Variants in SLC8A2 observed in about 807,000 individuals in gnomAD.
SLC8A2 encodes sodium/calcium exchanger 2.
Under a neutral mutation model 70.2 loss-of-function variants are expected in SLC8A2, and 14 were observed. The ratio of observed to expected loss-of-function variants is 0.20; its 90% CI spans 0.13 to 0.31. The LOEUF is 0.31. Ranked by LOEUF, SLC8A2 falls within the 10% of genes least tolerant of loss-of-function variation. The pLI is 1.00. For synonymous variants in SLC8A2, 575 were observed against 594.3 expected, an observed-to-expected ratio of 0.97 and a Z score of 0.47; for missense variants, 779 against 1,320.1, an observed-to-expected ratio of 0.59 and a Z score of 6.35.
At chr19:47,462,064 G>A (rs954749262) in intron 2 of SLC8A2, among the ~76,000 whole-genome samples, 3 of 152,108 alleles carry the variant, frequency 2.0e-5, no homozygotes, top group Non-Finnish European at 2.9e-5. Context: ...ATACAGAAAT[G>A]TCCCACATGC....
chr19:47,446,937 A>T (rs1050776913), intron 4 of SLC8A2, among the ~76,000 whole-genome samples: 53 of 152,150 alleles, frequency 3.5e-4, no homozygotes, highest in African/African-American at 1.3e-3. Context: ...GTATCCAGCC[A>T]GCCCACCTCC....
chr19:47,442,468 C>T (rs1020202679), intron 4 of SLC8A2, among the ~76,000 whole-genome samples: 1 of 152,180 alleles, frequency 6.6e-6, no homozygotes, highest in East Asian at 1.9e-4. Context: ...CCTTGCTATT[C>T]CTTGAACAAG....
At chr19:47,441,249 G>A in intron 5 of SLC8A2, 63 bp from the exon 6 acceptor site, 2 of 1,600,958 alleles carry the variant, frequency 1.2e-6, no homozygotes, top group Non-Finnish European at 1.7e-6. Flanking sequence ...AGGTCCACGA[G>A]CTTTAAGGAG....
chr19:47,429,025 C>T lies in SLC8A2; in HGVS notation c.*1064G>A, dbSNP rs1183658387. ...CCCCCCACCCATCCCCACCCCCCAT[C>T]AGGCAGAGATGTGGCAGCATTTGCT... On this transcript the variant is annotated 3_prime_UTR_variant, in exon 10 of 10. Transcript: ENST00000236877. 3.5e-5 allele frequency: 5 copies of T among 143,944 alleles called. No homozygotes were observed. The highest frequency in any genetic ancestry group is 2.1e-4 in the Admixed American group (3 of 14,140). 8.9% of individuals were successfully genotyped at this position (143,944 alleles called of 1,614,324 possible). A position where few individuals can be genotyped will look rare whatever the true frequency, so the allele number is the denominator to read the frequency against.
rs1319645109 is a variant in SLC8A2, at chr19:47,431,673, A to C, written c.2389+494T>G. Among the ~76,000 whole-genome samples the C allele has an allele frequency of 7.8e-5, 11 of 141,726 alleles. No homozygotes were observed. The East Asian group carries it at 1.5e-3, about 19-fold the overall frequency. The allele number at this position is 141,726 out of a possible 152,430, so 93.0% of individuals were successfully genotyped here. On this transcript the variant is annotated intron_variant, in intron 9 of 9. Transcript: ENST00000236877. ...TCCCCACACCAAAAAAAAAAAAAAA[A>C]AAAAAAACAAAACCCAAAAAAACCA...
chr19:47,469,113 T>TGTGC lies in SLC8A2; in HGVS notation c.-17+2675_-17+2676insGCAC, dbSNP rs1555751476. The stretch of plus-strand genomic sequence containing the variant: ...GGAGAGAGCAAGCGAGGAGCATGCC[T>TGTGC]GTGTGCGTGTGTGTGTGTGTGTGTG... On this transcript the variant is annotated intron_variant, in intron 1 of 9. Transcript: ENST00000236877. 5.9e-3 allele frequency among the ~76,000 whole-genome samples: 706 copies of TGTGC among 119,256 alleles called. 5 individuals are homozygous for TGTGC. Among genetic ancestry groups the TGTGC allele is most frequent in the African/African-American group, 0.021 (672 of 32,352 alleles). 78.2% of individuals were successfully genotyped at this position (119,256 alleles called of 152,430 possible).
chr19:47,471,240 G>GCAGAGACA (rs920056390), intron 1 of SLC8A2, among the ~76,000 whole-genome samples: 2 of 151,560 alleles, frequency 1.3e-5, no homozygotes, highest in African/African-American at 4.8e-5. Flanking sequence ...AGGGAGAGAG[G>GCAGAGACA]CAGAGACACA....
chr19:47,457,283 C>T lies in SLC8A2; in HGVS notation c.987G>A (p.Lys329=). ...LKDLKQKHPD[K]DLEQLVGIAN... is the part of the protein sequence containing the mutation. ...CGATGCCCACCAGCTGCTCCAGATC[C>T]TTGTCCGGGTGCTTCTGCTTGAGGT... Residue 329 remains lysine, a synonymous_variant, in exon 3 of 10, where the codon AAG becomes AAA. Coordinates refer to ENST00000236877, the MANE Select transcript of SLC8A2 (RefSeq NM_015063.3). The T allele has an allele frequency of 6.5e-7, 1 of 1,547,128 alleles. No homozygotes were observed. The highest frequency in any genetic ancestry group is 8.7e-7 in the Non-Finnish European group (1 of 1,145,632).
In SLC8A2 at chr19:47,448,109, C is replaced by T. The variant is rs768433740; in HGVS notation, c.1463G>A (p.Gly488Asp). The T allele has an allele frequency of 1.2e-6, 2 of 1,610,636 alleles. No individual in the cohort carries two copies. Among genetic ancestry groups the T allele is most frequent in the Non-Finnish European group, 1.7e-6 (2 of 1,178,796 alleles). ...CGGCTCGAACATGCCCTGCGCGTCG[C>T]CCACGCGCAGGTTCAGCAGCCGCAC... ...FFVRLLNLRV[G>D]DAQGMFEPDG... The change falls in exon 4 of 10, where the codon GGC becomes GAC. Residue 488 changes from glycine (G) to aspartate (D), a missense_variant. Gly to Asp is a moderately conservative substitution (Grantham distance 94, BLOSUM62 -1). Transcript: ENST00000236877. This position sits in a 1 kb window ranked among gnomAD's most constrained non-coding sequence, Gnocchi z 4.8.
intron 4 of SLC8A2, among the ~76,000 whole-genome samples, chr19:47,446,732 G>T (rs892739134): frequency 1.3e-5 from 2 of 152,186 alleles, no homozygotes; most frequent in African/African-American, 4.8e-5. Flanking sequence ...TAGAGTAGGA[G>T]TCTTGCTATG....
intron 6 of SLC8A2, among the ~76,000 whole-genome samples, chr19:47,439,366 A>G (rs1274250771): frequency 6.6e-6 from 1 of 151,822 alleles, no homozygotes; most frequent in Non-Finnish European, 1.5e-5. Context: ...CATCTCTACT[A>G]AAAAATACAA....
At position 47,431,666 on chromosome 19, in the gene SLC8A2, A is replaced by C. The variant is rs1032059259; in HGVS notation, c.2389+501T>G. ...GACTCTGTCCCCACACCAAAAAAAA[A>C]AAAAAAAAAAAAAACAAAACCCAAA... On this transcript the variant is annotated intron_variant, in intron 9 of 9. Coordinates refer to ENST00000236877, the MANE Select transcript of SLC8A2 (RefSeq NM_015063.3). Among the ~76,000 whole-genome samples, 229 of 130,320 alleles carry C rather than the reference A, an allele frequency of 1.8e-3. 1 individual carries two copies. Among genetic ancestry groups the C allele is most frequent in the African/African-American group, 5.4e-3 (217 of 39,860 alleles). 85.5% of individuals were successfully genotyped at this position (130,320 alleles called of 152,430 possible). A position where few individuals can be genotyped will look rare whatever the true frequency, so the allele number is the denominator to read the frequency against.
Position 47,448,668 on chromosome 19 carries a change from A to T in SLC8A2, c.1341-437T>A, listed in dbSNP as rs1481744540. On this transcript the variant is annotated intron_variant, in intron 3 of 9. Transcript: ENST00000236877. The surrounding 1 kb of genome is among the most constrained non-coding windows in gnomAD (Gnocchi z 4.8). ...AATATGCATATGAATCCCCTGGTGG[A>T]GCTTGTGAAAATGCAGATTCTGGTT... 6.6e-6 allele frequency among the ~76,000 whole-genome samples: 1 copy of T among 152,112 alleles called. No individual in the cohort carries two copies. Among genetic ancestry groups the T allele is most frequent in the Non-Finnish European group, 1.5e-5 (1 of 68,026 alleles).
intron 4 of SLC8A2, among the ~76,000 whole-genome samples, chr19:47,445,947 T>C (rs1967156210): frequency 6.6e-6 from 1 of 151,348 alleles, no homozygotes; most frequent in South Asian, 2.1e-4. Context: ...GAAGGAAAGG[T>C]GTGGAGTGTG....
In SLC8A2 at chr19:47,457,263, C is replaced by A. The variant is rs756905564; in HGVS notation, c.1007G>T (p.Gly336Val). Residue 336 changes from glycine (G) to valine (V), a missense_variant, in exon 3 of 10, where the codon GGC becomes GTC. Physicochemically the swap from Gly to Val is moderately radical, Grantham distance 109. Coordinates refer to ENST00000236877, the MANE Select transcript of SLC8A2 (RefSeq NM_015063.3). Reference protein sequence around the residue: ...HPDKDLEQLVGIANYYALLHQ... With the variant: ...HPDKDLEQLVVIANYYALLHQ... ...CAGCAGCGCGTAGTAGTTGGCGATG[C>A]CCACCAGCTGCTCCAGATCCTTGTC... 10 of 1,547,112 alleles carry A rather than the reference C, an allele frequency of 6.5e-6. No individual in the cohort carries two copies. Among genetic ancestry groups the A allele is most frequent in the South Asian group, 4.8e-5 (4 of 83,562 alleles).
At chr19:47,461,672 A>G (rs1419994876) in intron 2 of SLC8A2, among the ~76,000 whole-genome samples, 2 of 152,246 alleles carry the variant, frequency 1.3e-5, no homozygotes, top group African/African-American at 4.8e-5. Context: ...GATTTGGGAA[A>G]AGGAGCCGAA....
intron 2 of SLC8A2, among the ~76,000 whole-genome samples, chr19:47,461,185 T>G (rs952227476): frequency 7.1e-6 from 1 of 140,760 alleles, no homozygotes; most frequent in South Asian, 2.3e-4. Flanking sequence ...CGAGACTCTG[T>G]TTCAAAAAAA....
chr19:47,452,397 GGAGAGAGAGAGAGAGAGAGAGAGA>G (rs56184564), intron 3 of SLC8A2, among the ~76,000 whole-genome samples: 16 of 65,482 alleles, frequency 2.4e-4, no homozygotes, highest in African/African-American at 7.4e-4. Context: ...ATATATATAT[GGAGAGAGAGAGAGAGAGAGAGAGA>G]GAGAGAGAGA....
Position 47,466,488 on chromosome 19 carries a change from T to G in SLC8A2, c.-16-69A>C. The G allele has an allele frequency of 1.6e-6, 1 of 609,416 alleles. No homozygotes were observed. The highest frequency in any genetic ancestry group is 3.1e-5 in the Admixed American group (1 of 31,916). The allele number at this position is 609,416 out of a possible 1,614,324, so 37.8% of individuals were successfully genotyped here. On this transcript the variant is annotated intron_variant, in intron 1 of 9. Coordinates refer to ENST00000236877, the MANE Select transcript of SLC8A2 (RefSeq NM_015063.3). This position sits in a 1 kb window ranked among gnomAD's most constrained non-coding sequence, Gnocchi z 6.9. ...CTTTCTGTCATACAAAGGTCAAAGCTCACTGGGGAAGGAGGGTTGGGGGAG... is the reference window on the plus strand; with the variant it reads ...CTTTCTGTCATACAAAGGTCAAAGCGCACTGGGGAAGGAGGGTTGGGGGAG...
Sources: allele counts gnomAD v4.1 joint callset (sites outside exome capture counted in the v4.1 genomes callset), GRCh38; gene constraint gnomAD v4.1.1; non-coding constraint Gnocchi (gnomAD v3.1); transcripts MANE v1.5; gene names NCBI Gene and HGNC (gene_info 2026-07-23, HGNC 2026-07-21).